The following PPP2R2C variants were observed in gnomAD, a reference collection of about 807,000 sequenced individuals.
PPP2R2C encodes protein phosphatase 2, regulatory subunit B, gamma.
A neutral mutation model predicts 45.3 loss-of-function variants in PPP2R2C; 10 were observed. The ratio of observed to expected loss-of-function variants is 0.22; its 90% CI spans 0.14 to 0.37. PPP2R2C has a LOEUF of 0.37. Ranked by LOEUF, PPP2R2C falls within the 10% of genes least tolerant of loss-of-function variation. The probability of loss-of-function intolerance (pLI) is 1.00; values close to 1 mark genes in which losing one functional copy is unlikely to be tolerated. For synonymous variants in PPP2R2C, 257 were observed against 245.4 expected (o/e 1.05, Z -0.44); for missense variants, 308 against 619.7 (o/e 0.50, Z 5.34).
chr4:6,325,323 A>C (rs1298179172), intron 8 of PPP2R2C, among the ~76,000 whole-genome samples: 3 of 152,154 alleles, frequency 2.0e-5, no homozygotes, highest in Non-Finnish European at 4.4e-5. Flanking sequence ...CTAATCGTCC[A>C]TGTGACCAAA....
intron 5 of PPP2R2C, among the ~76,000 whole-genome samples, chr4:6,369,621 C>A (rs1462732598): frequency 6.6e-6 from 1 of 152,206 alleles, no homozygotes. Flanking sequence ...CCTGCACCAT[C>A]CACAGTGCCA....
At chr4:6,399,148 C>A (rs1244851219) in intron 1 of PPP2R2C, among the ~76,000 whole-genome samples, 4 of 152,204 alleles carry the variant, frequency 2.6e-5, no homozygotes, top group African/African-American at 9.7e-5. Context: ...GAAGGCCATG[C>A]TCCAAATCTT....
chr4:6,501,905 G>A (rs967511976), intron 2 of PPP2R2C, among the ~76,000 whole-genome samples: 1 of 152,234 alleles, frequency 6.6e-6, no homozygotes, highest in African/African-American at 2.4e-5. Context: ...CCAGAGCTCA[G>A]CAGAAAGCCC....
intron 2 of PPP2R2C, among the ~76,000 whole-genome samples, chr4:6,517,609 C>A (rs1487436585): frequency 1.3e-5 from 2 of 152,082 alleles, no homozygotes; most frequent in Middle Eastern, 3.2e-3. Flanking sequence ...GCCTGCACAA[C>A]TAGGAAAAAA....
At chr4:6,495,515 T>C (rs576084391) in intron 2 of PPP2R2C, among the ~76,000 whole-genome samples, 42 of 152,324 alleles carry the variant, frequency 2.8e-4, no homozygotes, top group African/African-American at 8.4e-4. Context: ...CCACACTCTA[T>C]GTCCTCCTGG....
At chr4:6,352,327 G>C (rs920410883) in intron 5 of PPP2R2C, among the ~76,000 whole-genome samples, 4 of 152,032 alleles carry the variant, frequency 2.6e-5, no homozygotes, top group African/African-American at 9.7e-5. Context: ...ATGAGGGCCT[G>C]GGCCCTTTCC....
At chr4:6,438,351 T>C (rs1345666058) in intron 1 of PPP2R2C, among the ~76,000 whole-genome samples, 4 of 152,204 alleles carry the variant, frequency 2.6e-5, no homozygotes, top group African/African-American at 9.7e-5. Flanking sequence ...CACTAATGGC[T>C]GAACATCAAG....
At chr4:6,365,513 A>AG (rs1289259332) in intron 5 of PPP2R2C, among the ~76,000 whole-genome samples, 2 of 152,176 alleles carry the variant, frequency 1.3e-5, no homozygotes, top group Non-Finnish European at 2.9e-5. Flanking sequence ...CATGGGATAA[A>AG]GGGGGTGCAG....
chr4:6,490,358 AC>A (rs1364188663), intron 2 of PPP2R2C, among the ~76,000 whole-genome samples: 1 of 152,174 alleles, frequency 6.6e-6, no homozygotes, highest in East Asian at 1.9e-4. Flanking sequence ...TCCTCTCATG[AC>A]ACTTCCTTCA....
In PPP2R2C at chr4:6,332,195, A is replaced by T. The variant is rs1732461939; in HGVS notation, c.960+1367T>A. On this transcript the variant is annotated intron_variant, in intron 7 of 8. Coordinates refer to ENST00000382599, the MANE Select transcript of PPP2R2C (RefSeq NM_020416.4). The surrounding 1 kb of genome is among the most constrained non-coding windows in gnomAD (Gnocchi z 4.9). ...GGTAAGTGACCGGACAAGGGGCCGG[A>T]GGGGGTTGGAAATGTTCATTTCCCT... is the stretch of plus-strand genomic sequence containing the variant. Among the ~76,000 whole-genome samples, 1 of 152,010 alleles carries T rather than the reference A, an allele frequency of 6.6e-6. No individual in the cohort carries two copies. The highest frequency in any genetic ancestry group is 2.4e-5 in the African/African-American group (1 of 41,374).
intron 1 of PPP2R2C, among the ~76,000 whole-genome samples, chr4:6,454,004 C>T (rs1051532388): frequency 2.0e-5 from 3 of 152,244 alleles, no homozygotes; most frequent in Non-Finnish European, 4.4e-5. Context: ...TTTCACTCAC[C>T]TCCTTTCCTC....
chr4:6,400,195 G>C (rs929095939), intron 1 of PPP2R2C, among the ~76,000 whole-genome samples: 1 of 152,162 alleles, frequency 6.6e-6, no homozygotes. Flanking sequence ...TTTGAGGATA[G>C]ATGTTCGACA....
intron 1 of PPP2R2C, among the ~76,000 whole-genome samples, chr4:6,409,466 C>T (rs1718008370): frequency 1.3e-5 from 2 of 152,172 alleles, no homozygotes; most frequent in Non-Finnish European, 2.9e-5. Context: ...ACCGAGAACC[C>T]CACGCCCCAA....
chr4:6,461,469 T>C (rs1560565529), intron 1 of PPP2R2C, among the ~76,000 whole-genome samples: 1 of 152,062 alleles, frequency 6.6e-6, no homozygotes. Flanking sequence ...CAATGGAATG[T>C]GAGGGAAGTC....
intron 5 of PPP2R2C, chr4:6,350,097 C>T: frequency 1.0e-6 from 1 of 985,438 alleles, no homozygotes; most frequent in Non-Finnish European, 1.2e-6. Context: ...TGAGTTAAGG[C>T]ATCACTGCCT....
At chr4:6,425,849 A>G (rs1362075786) in intron 1 of PPP2R2C, among the ~76,000 whole-genome samples, 1 of 149,904 alleles carries the variant, frequency 6.7e-6, no homozygotes, top group Non-Finnish European at 1.5e-5. Flanking sequence ...TGTGTGTGTT[A>G]TGTGTGTATG....
Position 6,345,298 on chromosome 4 carries a change from G to T in PPP2R2C, c.790+2548C>A, listed in dbSNP as rs1190888586. On this transcript the variant is annotated intron_variant, in intron 6 of 8. Coordinates refer to ENST00000382599, the MANE Select transcript of PPP2R2C (RefSeq NM_020416.4). This position sits in a 1 kb window ranked among gnomAD's most constrained non-coding sequence, Gnocchi z 5.3. ...AGGCACATGTGGCCTGAGTGAATGG[G>T]CGGGAGGCGTAGGTGGGGGGGCAGT... is the stretch of plus-strand genomic sequence containing the variant. 1.3e-5 allele frequency among the ~76,000 whole-genome samples: 2 copies of T among 152,188 alleles called. No homozygotes were observed. The highest frequency in any genetic ancestry group is 2.9e-5 in the Non-Finnish European group (2 of 68,044).
intron 2 of PPP2R2C, among the ~76,000 whole-genome samples, chr4:6,524,436 A>C (rs1261518447): frequency 6.6e-6 from 1 of 152,214 alleles, no homozygotes; most frequent in Admixed American, 6.5e-5. Context: ...TGACAAGTTA[A>C]AATTAAGGTT....
rs1000483731 is a variant in PPP2R2C, at chr4:6,386,226, C to A, written c.71-5132G>T. Reference sequence around the variant, plus strand: ...AACAGCCGGCGTTGGCTTTCCTGGTCTCATGGCTTTCACAGCCTGAGGACA... The same window carrying A: ...AACAGCCGGCGTTGGCTTTCCTGGTATCATGGCTTTCACAGCCTGAGGACA... On this transcript the variant is annotated intron_variant, in intron 1 of 8. Transcript: ENST00000382599. Among the ~76,000 whole-genome samples the A allele has an allele frequency of 5.9e-5, 9 of 152,340 alleles. 1 individual carries two copies. Among genetic ancestry groups the A allele is most frequent in the African/African-American group, 2.2e-4 (9 of 41,580 alleles).
Sources: allele counts gnomAD v4.1 joint callset (sites outside exome capture counted in the v4.1 genomes callset), GRCh38; gene constraint gnomAD v4.1.1; non-coding constraint Gnocchi (gnomAD v3.1); transcripts MANE v1.5; gene names NCBI Gene and HGNC (gene_info 2026-07-23, HGNC 2026-07-21).